Variants in VWC2L observed in about 807,000 individuals in gnomAD.
The protein encoded by VWC2L is von Willebrand factor C domain-containing protein 2-like.
A neutral mutation model predicts 21.6 loss-of-function variants in VWC2L; 10 were observed. The observed-to-expected ratio is 0.46, with a 90% CI of 0.29 to 0.78. The LOEUF is 0.78. VWC2L is among the 30% of genes least tolerant of loss of function. The pLI, the probability that VWC2L is intolerant of heterozygous loss-of-function variation, is 0.10. For missense variants in VWC2L, 209 were observed against 277.1 expected, an observed-to-expected ratio of 0.75 and a Z score of 1.74; for synonymous variants, 96 against 94.3, an observed-to-expected ratio of 1.02 and a Z score of -0.10.
chr2:214,434,974 A>C (rs1332941708), intron 2 of VWC2L, among the ~76,000 whole-genome samples: 1 of 152,094 alleles, frequency 6.6e-6, no homozygotes, highest in Non-Finnish European at 1.5e-5. Context: ...TTTCCCCCAT[A>C]CTGGCAGTAA....
chr2:214,466,946 A>C (rs1398724103), intron 3 of VWC2L, among the ~76,000 whole-genome samples: 1 of 152,168 alleles, frequency 6.6e-6, no homozygotes, highest in Non-Finnish European at 1.5e-5. Flanking sequence ...TCATTGCATG[A>C]CTAGTAATTT....
intron 3 of VWC2L, among the ~76,000 whole-genome samples, chr2:214,441,175 C>T (rs766340194): frequency 1.3e-5 from 2 of 152,078 alleles, no homozygotes; most frequent in Non-Finnish European, 2.9e-5. Context: ...AAGAGGACAA[C>T]AGAGGGGATG....
chr2:214,520,058 T>TAC (rs60850327), intron 3 of VWC2L, among the ~76,000 whole-genome samples: 9,142 of 143,162 alleles, frequency 0.064, 790 homozygotes, highest in African/African-American at 0.2. Context: ...GCTCCTGTTA[T>TAC]ACACACACAC....
At chr2:214,565,368 A>G (rs1690046821) in intron 3 of VWC2L, among the ~76,000 whole-genome samples, 1 of 152,130 alleles carries the variant, frequency 6.6e-6, no homozygotes, top group Non-Finnish European at 1.5e-5. Flanking sequence ...TTTATTTTCA[A>G]CCAATGAAAG....
At chr2:214,471,735 G>A (rs1703312966) in intron 3 of VWC2L, among the ~76,000 whole-genome samples, 1 of 152,144 alleles carries the variant, frequency 6.6e-6, no homozygotes, top group African/African-American at 2.4e-5. Flanking sequence ...ATCAAATGGA[G>A]GTTTGGGGCT....
chr2:214,433,548 T>C (rs976254425), intron 2 of VWC2L, among the ~76,000 whole-genome samples: 3 of 152,208 alleles, frequency 2.0e-5, no homozygotes, highest in African/African-American at 7.2e-5. Flanking sequence ...GTTTCATCTA[T>C]AGTTTTCACA....
rs556087081 is a variant in VWC2L, at chr2:214,470,755, A to T, written c.520+33997A>T. ...GAAACCCCATCTCTACTAAAAAAAA[A>T]TATTAAAATTAGCTGGGCATATTGG... On this transcript the variant is annotated intron_variant, in intron 3 of 3. Coordinates refer to ENST00000312504, the MANE Select transcript of VWC2L (RefSeq NM_001080500.4). Among the ~76,000 whole-genome samples, 165 of 151,970 alleles carry T rather than the reference A, an allele frequency of 1.1e-3. 1 individual carries two copies. Among genetic ancestry groups the T allele is most frequent in the African/African-American group, 3.8e-3 (156 of 41,480 alleles).
chr2:214,443,048 C>T (rs1033853702), intron 3 of VWC2L, among the ~76,000 whole-genome samples: 3 of 152,084 alleles, frequency 2.0e-5, no homozygotes, highest in African/African-American at 7.2e-5. Context: ...CTAATATCAT[C>T]TCAGGTTAGG....
intron 3 of VWC2L, among the ~76,000 whole-genome samples, chr2:214,487,042 G>A (rs765313025): frequency 8.5e-5 from 13 of 152,178 alleles, no homozygotes; most frequent in Non-Finnish European, 1.9e-4. Flanking sequence ...GTCCCTATAA[G>A]AAGAGATTAG....
chr2:214,518,905 G>A (rs1369781587), intron 3 of VWC2L, among the ~76,000 whole-genome samples: 2 of 152,098 alleles, frequency 1.3e-5, no homozygotes, highest in East Asian at 1.9e-4. Context: ...TTTAAGGGGA[G>A]TATCCACTTT....
intron 3 of VWC2L, among the ~76,000 whole-genome samples, chr2:214,482,159 A>G (rs1314565783): frequency 6.6e-6 from 1 of 152,220 alleles, no homozygotes; most frequent in African/African-American, 2.4e-5. Context: ...AATAGGTCTA[A>G]AAACCAAATA....
intron 3 of VWC2L, among the ~76,000 whole-genome samples, chr2:214,537,531 A>G (rs1344757894): frequency 6.6e-6 from 1 of 152,020 alleles, no homozygotes; most frequent in African/African-American, 2.4e-5. Context: ...GATGAGAGAG[A>G]GTGGAATGGT....
At chr2:214,495,481 G>A (rs898324541) in intron 3 of VWC2L, among the ~76,000 whole-genome samples, 1 of 152,108 alleles carries the variant, frequency 6.6e-6, no homozygotes, top group Non-Finnish European at 1.5e-5. Flanking sequence ...AAATCCAGGG[G>A]TCTTTCAAAC....
At chr2:214,508,007 C>T (rs1009855044) in intron 3 of VWC2L, among the ~76,000 whole-genome samples, 5 of 152,126 alleles carry the variant, frequency 3.3e-5, no homozygotes, top group African/African-American at 9.7e-5. Context: ...GACAGAGTCT[C>T]GCTCTGTCGC....
At position 214,560,755 on chromosome 2, in the gene VWC2L, G is replaced by A. The variant is rs539700481; in HGVS notation, c.521-14917G>A. Among the ~76,000 whole-genome samples the A allele has an allele frequency of 2.0e-4, 31 of 152,174 alleles. No individual in the cohort carries two copies. In the East Asian group the frequency reaches 2.1e-3, roughly 10 times the overall value. On this transcript the variant is annotated intron_variant, in intron 3 of 3. Transcript: ENST00000312504. Reference sequence around the variant, plus strand: ...TCATTAAAGCACCCAAAATGGTTCCGAATGCCAAGTTTCACACATGTCTCC... The same window carrying A: ...TCATTAAAGCACCCAAAATGGTTCCAAATGCCAAGTTTCACACATGTCTCC...
intron 3 of VWC2L, among the ~76,000 whole-genome samples, chr2:214,520,721 T>C (rs1422873117): frequency 6.6e-6 from 1 of 152,196 alleles, no homozygotes; most frequent in Admixed American, 6.5e-5. Context: ...AAAAACAGTA[T>C]TCTTTTTTGA....
chr2:214,479,141 C>T (rs533386862), intron 3 of VWC2L, among the ~76,000 whole-genome samples: 2 of 152,178 alleles, frequency 1.3e-5, no homozygotes, highest in Non-Finnish European at 2.9e-5. Flanking sequence ...AGGTCACTCC[C>T]TTTGTAAATT....
chr2:214,568,276 G>A (rs530884743), intron 3 of VWC2L, among the ~76,000 whole-genome samples: 4 of 152,076 alleles, frequency 2.6e-5, no homozygotes, highest in Non-Finnish European at 2.9e-5. Context: ...ACTTGAAATG[G>A]TCCTGTTAAT....
At chr2:214,453,566 A>C (rs1051916430) in intron 3 of VWC2L, among the ~76,000 whole-genome samples, 12 of 152,274 alleles carry the variant, frequency 7.9e-5, no homozygotes, top group African/African-American at 2.9e-4. Context: ...CATTTGAGGA[A>C]AATTAGCATC....
Sources: gnomAD v4.1 joint callset for allele counts (sites outside exome capture counted in the v4.1 genomes callset) on GRCh38, gnomAD v4.1.1 for gene constraint, MANE v1.5 for transcripts, NCBI Gene and HGNC (gene_info 2026-07-23, HGNC 2026-07-21) for gene names.